WWC1: variants seen among roughly 807,000 people sequenced by gnomAD.
WWC1 encodes WW and C2 domain containing 1.
A neutral mutation model predicts 138.4 loss-of-function variants in WWC1; 55 were observed. The observed-to-expected ratio is 0.40, with a 90% CI of 0.32 to 0.50. WWC1 has a LOEUF of 0.50. WWC1 is among the 20% of genes least tolerant of loss of function. The probability of loss-of-function intolerance (pLI) is 0.72; values close to 1 mark genes in which losing one functional copy is unlikely to be tolerated. For missense variants in WWC1, 1,226 were observed against 1,420.4 expected, an observed-to-expected ratio of 0.86 and a Z score of 2.20; for synonymous variants, 524 against 564.9, an observed-to-expected ratio of 0.93 and a Z score of 1.03.
chr5:168,441,962 G>A lies in WWC1; in HGVS notation c.2433+128G>A, dbSNP rs555627311. Reference sequence around the variant, plus strand: ...GAACAATGGGGTGGAGGAAGTAGGAGAAGAAGACAGGGAAGGAGAGATCTC... The same window carrying A: ...GAACAATGGGGTGGAGGAAGTAGGAAAAGAAGACAGGGAAGGAGAGATCTC... On this transcript the variant is annotated intron_variant, in intron 16 of 22. Transcript: ENST00000265293. 119 of 1,342,706 alleles carry A rather than the reference G, an allele frequency of 8.9e-5. No homozygotes were observed. In the African/African-American group the frequency reaches 1.5e-3, roughly 16 times the overall value. 83.2% of individuals were successfully genotyped at this position (1,342,706 alleles called of 1,614,324 possible). A position where few individuals can be genotyped will look rare whatever the true frequency, so the allele number is the denominator to read the frequency against.
chr5:168,369,352 C>T (rs1173258433), intron 1 of WWC1, among the ~76,000 whole-genome samples: 1 of 152,170 alleles, frequency 6.6e-6, no homozygotes, highest in Admixed American at 6.5e-5. Context: ...ACTCACACAG[C>T]CAGTAAGTGA....
chr5:168,316,226 C>G (rs1004666591), intron 1 of WWC1, among the ~76,000 whole-genome samples: 1 of 152,182 alleles, frequency 6.6e-6, no homozygotes, highest in Non-Finnish European at 1.5e-5. Flanking sequence ...CAACAGAAAT[C>G]AAACAAAGAT....
chr5:168,390,672 C>T (rs1455978537), intron 3 of WWC1, among the ~76,000 whole-genome samples: 1 of 152,250 alleles, frequency 6.6e-6, no homozygotes, highest in Admixed American at 6.5e-5. Flanking sequence ...AGTCACACGC[C>T]TGTTCTCTAA....
At chr5:168,401,211 T>C (rs1195203220) in intron 5 of WWC1, among the ~76,000 whole-genome samples, 2 of 152,176 alleles carry the variant, frequency 1.3e-5, no homozygotes, top group Non-Finnish European at 2.9e-5. Context: ...AACAGACTCA[T>C]TCATTGAATT....
intron 1 of WWC1, among the ~76,000 whole-genome samples, chr5:168,338,764 CAT>C (rs1204212820): frequency 6.6e-6 from 1 of 152,048 alleles, no homozygotes; most frequent in African/African-American, 2.4e-5. Context: ...TGTTCTCACT[CAT>C]GTGGAAGGTA....
At chr5:168,389,689 C>A (rs1367101168) in intron 3 of WWC1, among the ~76,000 whole-genome samples, 1 of 147,060 alleles carries the variant, frequency 6.8e-6, no homozygotes, top group Admixed American at 7.0e-5. Flanking sequence ...GTCTCATTCT[C>A]TACCGACTGA....
intron 17 of WWC1, 36 bp from the exon 18 acceptor site, chr5:168,453,932 T>C (rs1435702280): frequency 6.2e-7 from 1 of 1,610,646 alleles, no homozygotes; most frequent in South Asian, 1.1e-5. Context: ...GCAGAGCGGC[T>C]TCTGGGTGGG....
At chr5:168,464,700 A>G (rs746413061) in intron 20 of WWC1, 29 bp from the exon 21 acceptor site, 1 of 1,613,612 alleles carries the variant, frequency 6.2e-7, no homozygotes, top group Non-Finnish European at 8.5e-7. Context: ...GAGCTCTAAT[A>G]ACAAGAGAAG....
At chr5:168,397,176 T>C (rs1778966780) in intron 3 of WWC1, among the ~76,000 whole-genome samples, 1 of 151,726 alleles carries the variant, frequency 6.6e-6, no homozygotes, top group African/African-American at 2.4e-5. Flanking sequence ...GGAGTCTCGC[T>C]CTGTCACCCA....
intron 1 of WWC1, among the ~76,000 whole-genome samples, chr5:168,326,965 C>T: frequency 6.6e-6 from 1 of 152,210 alleles, no homozygotes; most frequent in East Asian, 1.9e-4. Flanking sequence ...GTTGAGGTCT[C>T]TTGACTCATT....
At chr5:168,464,162 G>T (rs911803510) in intron 20 of WWC1, among the ~76,000 whole-genome samples, 1 of 152,090 alleles carries the variant, frequency 6.6e-6, no homozygotes, top group East Asian at 1.9e-4. Context: ...CTCTAAGGCT[G>T]GGGAAACAAA....
At chr5:168,319,431 A>G (rs1771875493) in intron 1 of WWC1, among the ~76,000 whole-genome samples, 1 of 152,192 alleles carries the variant, frequency 6.6e-6, no homozygotes. Context: ...TAAATAAATA[A>G]ATAAATATGT....
Position 168,320,346 on chromosome 5 carries a change from T to C in WWC1, c.119+28075T>C, listed in dbSNP as rs575028082. ...CACTGAACCTGGCCCATATGCTTTT[T>C]AAAAAGCCAACTCCTCATGCCACTT... On this transcript the variant is annotated intron_variant, in intron 1 of 22. Transcript: ENST00000265293. Among the ~76,000 whole-genome samples the C allele has an allele frequency of 4.1e-4, 63 of 152,232 alleles. 1 individual carries two copies. The highest frequency in any genetic ancestry group is 6.8e-3 in the Middle Eastern group (2 of 294).
chr5:168,457,514 G>C (rs1473410470), intron 19 of WWC1, among the ~76,000 whole-genome samples: 1 of 152,158 alleles, frequency 6.6e-6, no homozygotes, highest in Admixed American at 6.5e-5. Flanking sequence ...TACCGGTCAG[G>C]GTTTTTCATT....
intron 3 of WWC1, among the ~76,000 whole-genome samples, chr5:168,390,199 G>A (rs963998573): frequency 3.0e-4 from 46 of 152,202 alleles, no homozygotes; most frequent in African/African-American, 1.1e-3. Context: ...GAGTGTTATG[G>A]GGTCTAAATT....
intron 17 of WWC1, among the ~76,000 whole-genome samples, chr5:168,449,306 G>A (rs935739690): frequency 2.6e-5 from 4 of 152,152 alleles, no homozygotes; most frequent in Non-Finnish European, 5.9e-5. Flanking sequence ...AGAGACTCCC[G>A]TAATGGTTGA....
At chr5:168,405,187 A>T (rs1485406451) in intron 5 of WWC1, among the ~76,000 whole-genome samples, 4 of 152,082 alleles carry the variant, frequency 2.6e-5, no homozygotes, top group African/African-American at 9.7e-5. Flanking sequence ...GGAGTTTTTC[A>T]TCCTTCTCTC....
chr5:168,448,053 C>T (rs980480396), intron 17 of WWC1, among the ~76,000 whole-genome samples: 3 of 152,188 alleles, frequency 2.0e-5, no homozygotes, highest in African/African-American at 7.2e-5. Context: ...TAGCAACCGC[C>T]TTCTGTCCCT....
rs530641220 is a variant in WWC1 at position 168,431,384 on chromosome 5, C to T, written c.2220C>T (p.His740=). Residue 740 remains histidine, a synonymous_variant, in exon 15 of 23, where the codon CAC becomes CAT. Coordinates refer to ENST00000265293, the MANE Select transcript of WWC1 (RefSeq NM_015238.3). ...TATCCATGTCCTATCCAGCCCTTCA[C>T]CAGAAGACCTTAAGAGTCGATGTCT... ...FWVSMSYPAL[H]QKTLRVDVCT... 1.7e-5 allele frequency: 28 copies of T among 1,614,106 alleles called. No individual in the cohort carries two copies. The East Asian group carries it at 5.6e-4, about 32-fold the overall frequency.
Sources: gnomAD v4.1 joint callset for allele counts (sites outside exome capture counted in the v4.1 genomes callset) on GRCh38, gnomAD v4.1.1 for gene constraint, MANE v1.5 for transcripts, NCBI Gene and HGNC (gene_info 2026-07-23, HGNC 2026-07-21) for gene names.